ROBO2: variants seen among roughly 807,000 people sequenced by gnomAD.
ROBO2 encodes roundabout guidance receptor 2, also known as roundabout homolog 2.
In ROBO2, 53 loss-of-function variants were observed where a neutral mutation model predicts 160.8. The observed-to-expected ratio is 0.33, with a 90% confidence interval of 0.26 to 0.41. The LOEUF (loss-of-function observed/expected upper bound fraction) is 0.41, where lower values mean the gene tolerates loss of function less well. Ranked by LOEUF, ROBO2 falls within the 10% of genes least tolerant of loss-of-function variation. ROBO2 has a pLI of 1.00. For missense variants in ROBO2, 1,577 were observed against 1,722.4 expected (o/e 0.92, Z 1.49); for synonymous variants, 664 against 611.7 (o/e 1.09, Z -1.26).
intron 2 of ROBO2, among the ~76,000 whole-genome samples, chr3:76,294,246 G>A (rs1365580276): frequency 1.3e-5 from 2 of 152,144 alleles, no homozygotes; most frequent in African/African-American, 4.8e-5. Context: ...TGGATCTGCA[G>A]CTGTGGCTGG....
At chr3:77,514,305 A>G (rs9851506) in intron 5 of ROBO2, among the ~76,000 whole-genome samples, 120,464 of 151,640 alleles carry the variant, frequency 0.79, 48,612 homozygotes, top group African/African-American at 0.94. Context: ...AAGGAAATAT[A>G]CATCAGGAAA....
intron 19 of ROBO2, 43 bp downstream of exon 20, chr3:77,596,793 C>A: frequency 6.6e-7 from 1 of 1,508,922 alleles, no homozygotes; most frequent in South Asian, 1.2e-5. Context: ...AGTTCTCTCT[C>A]TCTTTTTTTT....
intron 2 of ROBO2, among the ~76,000 whole-genome samples, chr3:76,724,778 G>A (rs1450928296): frequency 2.0e-5 from 3 of 152,164 alleles, no homozygotes; most frequent in Non-Finnish European, 4.4e-5. Context: ...CTTTGAAGAC[G>A]TGATTCTGTT....
chr3:75,993,691 G>C (rs969639261), intron 2 of ROBO2, among the ~76,000 whole-genome samples: 1 of 152,092 alleles, frequency 6.6e-6, no homozygotes, highest in South Asian at 2.1e-4. Flanking sequence ...TCATTAAGCA[G>C]TGATGGTAGG....
rs184653866 is a variant in ROBO2, at chr3:76,890,386, G to A, written c.110-207628G>A. Among the ~76,000 whole-genome samples the A allele has an allele frequency of 1.2e-3, 176 of 152,224 alleles. 1 individual carries two copies. Among genetic ancestry groups the A allele is most frequent in the East Asian group, 9.7e-3 (50 of 5,168 alleles). ...TGTTCCAAGTATCTGCATTGCTCAC[G>A]ACTATACTTTATTACCTAAGATCAG... On this transcript the variant is annotated intron_variant, in intron 2 of 26. Transcript: ENST00000487694.
intron 2 of ROBO2, among the ~76,000 whole-genome samples, chr3:76,811,366 A>G (rs574750963): frequency 4.5e-4 from 68 of 152,310 alleles, no homozygotes; most frequent in Admixed American, 4.4e-3. Flanking sequence ...TCAGTAAAAT[A>G]ATATTGCTTA....
chr3:76,079,780 G>A lies in ROBO2; in HGVS notation c.109+142178G>A, dbSNP rs1187208558. Among the ~76,000 whole-genome samples the A allele has an allele frequency of 2.0e-5, 3 of 151,944 alleles. No individual in the cohort carries two copies. The East Asian group carries it at 5.8e-4, about 29-fold the overall frequency. On this transcript the variant is annotated intron_variant, in intron 2 of 26. Coordinates refer to the ROBO2 transcript ENST00000487694. Reference sequence around the variant, plus strand: ...GGTAAAATTTAGGTTTTTGAATGAAGTAAAGTCTGACTAAGTAGGCAGAAA... The same window carrying A: ...GGTAAAATTTAGGTTTTTGAATGAAATAAAGTCTGACTAAGTAGGCAGAAA...
intron 2 of ROBO2, among the ~76,000 whole-genome samples, chr3:76,316,861 C>T (rs2072075254): frequency 3.3e-5 from 5 of 152,166 alleles, no homozygotes; most frequent in African/African-American, 1.2e-4. Context: ...CCAGTCCCTC[C>T]GTTCAGGGTC....
intron 2 of ROBO2, among the ~76,000 whole-genome samples, chr3:76,310,822 C>G (rs1467413916): frequency 6.6e-6 from 1 of 152,160 alleles, no homozygotes; most frequent in Non-Finnish European, 1.5e-5. Flanking sequence ...GGCGGTGACA[C>G]CGGCTTTCAC....
chr3:76,744,195 A>G (rs896229098), intron 2 of ROBO2, among the ~76,000 whole-genome samples: 3 of 152,154 alleles, frequency 2.0e-5, no homozygotes, highest in Admixed American at 1.3e-4. Flanking sequence ...TGGCTTAAAC[A>G]ATAGGATTTT....
At chr3:77,589,300 A>G (rs1225592616) in intron 17 of ROBO2, among the ~76,000 whole-genome samples, 1 of 152,142 alleles carries the variant, frequency 6.6e-6, no homozygotes. Context: ...GGATTTATGC[A>G]TGAGCATTAC....
chr3:76,203,003 C>T (rs1303979990), intron 2 of ROBO2, among the ~76,000 whole-genome samples: 1 of 151,174 alleles, frequency 6.6e-6, no homozygotes, highest in African/African-American at 2.5e-5. Context: ...ACTCTTCCCT[C>T]CTAAAATATA....
intron 2 of ROBO2, among the ~76,000 whole-genome samples, chr3:77,385,863 C>T (rs2074048371): frequency 6.6e-6 from 1 of 152,152 alleles, no homozygotes. Context: ...GCCTAGAACA[C>T]AGTTATCCTA....
intron 2 of ROBO2, among the ~76,000 whole-genome samples, chr3:76,976,629 A>C (rs893089413): frequency 6.6e-6 from 1 of 152,178 alleles, no homozygotes; most frequent in African/African-American, 2.4e-5. Flanking sequence ...AGCAGGACAC[A>C]TAATTGTTCC....
intron 2 of ROBO2, among the ~76,000 whole-genome samples, chr3:76,338,283 C>T (rs888802950): frequency 2.6e-5 from 4 of 152,090 alleles, no homozygotes; most frequent in Non-Finnish European, 4.4e-5. Flanking sequence ...TTTCTATACC[C>T]CTGCAATAAG....
At chr3:77,112,635 A>T (rs907782516) in intron 2 of ROBO2, among the ~76,000 whole-genome samples, 1 of 152,132 alleles carries the variant, frequency 6.6e-6, no homozygotes, top group African/African-American at 2.4e-5. Flanking sequence ...ACATCAGTAG[A>T]TCCTATCGTT....
rs1553805630 is a variant in ROBO2, at chr3:76,567,632, T to TATATAC, written c.110-530377_110-530376insCATATA. Reference sequence around the variant, plus strand: ...ATACCAAACTACTGATATATATATATATATATATATATATATATATACACA... The same window carrying TATATAC: ...ATACCAAACTACTGATATATATATATATATACATATATATATATATATATATACACA... On this transcript the variant is annotated intron_variant, in intron 2 of 26. Coordinates refer to the ROBO2 transcript ENST00000487694. Among the ~76,000 whole-genome samples the TATATAC allele has an allele frequency of 1.5e-4, 12 of 79,092 alleles. 1 individual carries two copies. The South Asian group carries it at 1.8e-3, about 12-fold the overall frequency. The allele number at this position is 79,092 out of a possible 152,430, so 51.9% of individuals were successfully genotyped here.
chr3:76,211,992 T>C (rs1409108754), intron 2 of ROBO2, among the ~76,000 whole-genome samples: 6 of 152,162 alleles, frequency 3.9e-5, no homozygotes, highest in African/African-American at 1.4e-4. Flanking sequence ...GATAGATTTA[T>C]GATGAATTTT....
intron 2 of ROBO2, among the ~76,000 whole-genome samples, chr3:77,386,445 AGACT>A (rs1282628227): frequency 3.3e-5 from 5 of 152,186 alleles, no homozygotes; most frequent in Non-Finnish European, 7.3e-5. Flanking sequence ...ACTGTAATTC[AGACT>A]GTGAAAATTA....
Sources: gnomAD v4.1 joint callset for allele counts (sites outside exome capture counted in the v4.1 genomes callset) on GRCh38, gnomAD v4.1.1 for gene constraint, MANE v1.5 for transcripts, NCBI Gene and HGNC (gene_info 2026-07-23, HGNC 2026-07-21) for gene names.